MTUS2: variants seen among roughly 807,000 people sequenced by gnomAD.
MTUS2 encodes microtubule-associated tumor suppressor candidate 2.
MTUS2 carries 40 observed loss-of-function variants against 114.1 expected under a neutral mutation model. That is an observed-to-expected ratio of 0.35 (90% CI 0.27 to 0.46). The LOEUF (loss-of-function observed/expected upper bound fraction) is 0.46, where lower values mean the gene tolerates loss of function less well. Among genes scored for constraint, MTUS2 ranks in the 20% least tolerant of loss-of-function variants. The pLI is 1.00. For synonymous variants in MTUS2, 688 were observed against 672.0 expected (o/e 1.02, Z -0.37); for missense variants, 1,679 against 1,705.4 (o/e 0.98, Z 0.27).
chr13:29,357,448 T>C (rs1171028707), intron 7 of MTUS2, among the ~76,000 whole-genome samples: 1 of 152,166 alleles, frequency 6.6e-6, no homozygotes, highest in Non-Finnish European at 1.5e-5. Flanking sequence ...CTCAACAAAT[T>C]AATTAAAGCA....
intron 2 of MTUS2, among the ~76,000 whole-genome samples, chr13:29,021,487 G>C (rs1007828553): frequency 6.6e-6 from 1 of 152,130 alleles, no homozygotes. Flanking sequence ...ACATGTTGTG[G>C]ACTTTGGTAC....
chr13:28,901,683 A>G (rs967697878), intron 2 of MTUS2, among the ~76,000 whole-genome samples: 2 of 152,164 alleles, frequency 1.3e-5, no homozygotes, highest in Admixed American at 6.5e-5. Flanking sequence ...TTGTGAATCT[A>G]TCTCTGGGTT....
chr13:29,345,030 T>C (rs1739412681), intron 7 of MTUS2, among the ~76,000 whole-genome samples: 2 of 152,222 alleles, frequency 1.3e-5, no homozygotes, highest in African/African-American at 2.4e-5. Context: ...AAATTCGCTG[T>C]TAATCTGATA....
chr13:28,945,929 T>G (rs1231665877), intron 2 of MTUS2, among the ~76,000 whole-genome samples: 1 of 152,194 alleles, frequency 6.6e-6, no homozygotes, highest in African/African-American at 2.4e-5. Context: ...GTAGGTACTC[T>G]TTTGAAAATG....
chr13:29,396,189 AATC>A (rs1327223047), intron 8 of MTUS2, among the ~76,000 whole-genome samples: 3 of 152,246 alleles, frequency 2.0e-5, no homozygotes, highest in Non-Finnish European at 2.9e-5. Context: ...TCATCTTTAT[AATC>A]ATCTTCTAAT....
intron 2 of MTUS2, among the ~76,000 whole-genome samples, chr13:28,881,097 C>A (rs1163579553): frequency 6.6e-6 from 1 of 152,000 alleles, no homozygotes; most frequent in Non-Finnish European, 1.5e-5. Context: ...GACACTGTAC[C>A]CAATAGATAA....
intron 3 of MTUS2, among the ~76,000 whole-genome samples, chr13:29,030,621 A>G (rs1027249666): frequency 3.9e-5 from 6 of 152,200 alleles, no homozygotes; most frequent in Admixed American, 2.6e-4. Context: ...TTCTTCTGCC[A>G]GTGTGCCCCA....
chr13:29,157,070 T>C (rs1311402861), intron 5 of MTUS2, among the ~76,000 whole-genome samples: 5 of 152,222 alleles, frequency 3.3e-5, no homozygotes, highest in African/African-American at 1.2e-4. Context: ...GCAGCTCTTA[T>C]TCATTCATTT....
chr13:29,448,660 C>T (rs1878457889), intron 9 of MTUS2, among the ~76,000 whole-genome samples: 1 of 151,022 alleles, frequency 6.6e-6, no homozygotes, highest in Non-Finnish European at 1.5e-5. Flanking sequence ...CATCTTCCTT[C>T]TGAGTTCAGA....
At chr13:29,315,746 T>G in intron 6 of MTUS2, among the ~76,000 whole-genome samples, 1 of 152,164 alleles carries the variant, frequency 6.6e-6, no homozygotes, top group African/African-American at 2.4e-5. Context: ...GAATCTGGTG[T>G]AAACTTTAGG....
chr13:29,344,928 T>C (rs1321562470), intron 7 of MTUS2, among the ~76,000 whole-genome samples: 2 of 152,194 alleles, frequency 1.3e-5, no homozygotes, highest in East Asian at 1.9e-4. Flanking sequence ...CATAGTTTCA[T>C]TGGATACAAA....
intron 4 of MTUS2, among the ~76,000 whole-genome samples, chr13:29,057,350 T>C (rs886793272): frequency 1.3e-5 from 2 of 152,128 alleles, no homozygotes; most frequent in Non-Finnish European, 2.9e-5. Flanking sequence ...TGAAAATCTT[T>C]GTTAGTTTTC....
At chr13:29,320,328 G>C (rs776909815) in intron 6 of MTUS2, among the ~76,000 whole-genome samples, 33 of 152,308 alleles carry the variant, frequency 2.2e-4, no homozygotes, top group Middle Eastern at 6.8e-3. Flanking sequence ...CAGCCTGGCC[G>C]ACCCCTTGGC....
At chr13:28,938,782 G>A (rs1349355238) in intron 2 of MTUS2, among the ~76,000 whole-genome samples, 1 of 152,086 alleles carries the variant, frequency 6.6e-6, no homozygotes, top group Non-Finnish European at 1.5e-5. Flanking sequence ...ATAAGCCAGC[G>A]AGTTAAGTGC....
At chr13:28,889,234 A>ATGTTGGTTCCAT (rs1439008089) in intron 2 of MTUS2, among the ~76,000 whole-genome samples, 2 of 152,120 alleles carry the variant, frequency 1.3e-5, no homozygotes, top group African/African-American at 4.8e-5. Context: ...AAAGGATCTC[A>ATGTTGGTTCCAT]TGTTGGTTCC....
intron 2 of MTUS2, among the ~76,000 whole-genome samples, chr13:28,858,825 G>A (rs1264817156): frequency 2.0e-5 from 3 of 152,126 alleles, no homozygotes; most frequent in Non-Finnish European, 4.4e-5. Context: ...CAGAGTGGGT[G>A]GGGATGAAGT....
In MTUS2 at chr13:29,082,713, G is replaced by A. The variant is rs180856705; in HGVS notation, c.2447-18060G>A. Among the ~76,000 whole-genome samples, 7 of 152,308 alleles carry A rather than the reference G, an allele frequency of 4.6e-5. No homozygotes were observed. In the South Asian group the frequency reaches 8.3e-4, roughly 18 times the overall value. ...CATAATGGAGACCTGGGTATGGAGG[G>A]TCACGGGTTCAGAGAACAGAAGTTT... On this transcript the variant is annotated intron_variant, in intron 4 of 15. Coordinates refer to ENST00000612955, the MANE Select transcript of MTUS2 (RefSeq NM_001033602.4).
intron 2 of MTUS2, among the ~76,000 whole-genome samples, chr13:28,934,428 T>G (rs1881782447): frequency 6.6e-6 from 1 of 152,228 alleles, no homozygotes; most frequent in African/African-American, 2.4e-5. Flanking sequence ...AGGCCATCTC[T>G]GTGGTGAATA....
chr13:29,046,325 AG>A (rs1887617232), intron 4 of MTUS2, among the ~76,000 whole-genome samples: 1 of 152,112 alleles, frequency 6.6e-6, no homozygotes, highest in Non-Finnish European at 1.5e-5. Context: ...TATGTTGCCC[AG>A]GCTGGTCTCG....
Sources: gnomAD v4.1 joint callset for allele counts (sites outside exome capture counted in the v4.1 genomes callset) on GRCh38, gnomAD v4.1.1 for gene constraint, MANE v1.5 for transcripts, NCBI Gene and HGNC (gene_info 2026-07-23, HGNC 2026-07-21) for gene names.